Variants in FABP12 observed in about 807,000 individuals in gnomAD.
FABP12 encodes the protein fatty acid-binding protein 12.
FABP12 carries 19 observed loss-of-function variants against 13.7 expected under a neutral mutation model. The ratio of observed to expected loss-of-function variants is 1.39; its 90% CI spans 0.97 to 2.04. FABP12 has a LOEUF of 2.04. FABP12 is among the 30% of genes most tolerant of loss of function. The pLI is 0.00. For synonymous variants in FABP12, 61 were observed against 57.0 expected (o/e 1.07, Z -0.32); for missense variants, 182 against 164.2 (o/e 1.11, Z -0.59).
upstream of FABP12, among the ~76,000 whole-genome samples, chr8:81,535,551 T>C (rs1347111294): frequency 3.9e-5 from 6 of 152,216 alleles, no homozygotes; most frequent in African/African-American, 7.2e-5. Flanking sequence ...TACTGAGACC[T>C]AGACTTTGGC....
intron 1 of FABP12, among the ~76,000 whole-genome samples, chr8:81,552,761 A>T (rs1809541483): frequency 6.6e-6 from 1 of 152,166 alleles, no homozygotes; most frequent in South Asian, 2.1e-4. Flanking sequence ...GAAGATGATG[A>T]ATATTTGAAG....
In FABP12 at chr8:81,552,419, G is replaced by C. The variant is rs537417550; in HGVS notation, c.-184-12676C>G. On this transcript the variant is annotated intron_variant, in intron 1 of 5. Coordinates refer to the FABP12 transcript ENST00000692030. ...TTAAAAGAGATTAAATGGTACCCTA[G>C]GGTGTTGGCAGCTGTTGAAGAGATT... Among the ~76,000 whole-genome samples the C allele has an allele frequency of 4.6e-5, 7 of 152,216 alleles. No individual in the cohort carries two copies. The East Asian group carries it at 9.7e-4, about 21-fold the overall frequency.
At chr8:81,537,257 A>C (rs1424357334), upstream of FABP12, among the ~76,000 whole-genome samples, 1 of 152,214 alleles carries the variant, frequency 6.6e-6, no homozygotes, top group Non-Finnish European at 1.5e-5. Context: ...AGAATCAAAA[A>C]TTAATTGTGT....
At chr8:81,568,388 C>G (rs1464048688) in intron 1 of FABP12, among the ~76,000 whole-genome samples, 3 of 152,192 alleles carry the variant, frequency 2.0e-5, no homozygotes, top group Non-Finnish European at 4.4e-5. Context: ...TGCTCAACAT[C>G]ATCGATCATC....
rs376970873 is a variant in FABP12 at position 81,567,625 on chromosome 8, C to T, written c.-185+22428G>A. On this transcript the variant is annotated intron_variant, in intron 1 of 5. Transcript: ENST00000692030. ...CCATATGCAGAAGAATGAAACTAGA[C>T]CCCTTTCTCTTGCCATATACAAAAT... 7.9e-5 allele frequency among the ~76,000 whole-genome samples: 12 copies of T among 152,286 alleles called. No individual in the cohort carries two copies. The East Asian group carries it at 1.4e-3, about 17-fold the overall frequency.
At chr8:81,531,813 G>C (rs1399251274) in intron 1 of FABP12, among the ~76,000 whole-genome samples, 1 of 152,114 alleles carries the variant, frequency 6.6e-6, no homozygotes, top group Non-Finnish European at 1.5e-5. Context: ...CTTCATAGAT[G>C]GTACTTGACA....
At chr8:81,558,799 A>G (rs1809666465) in intron 1 of FABP12, among the ~76,000 whole-genome samples, 2 of 149,134 alleles carry the variant, frequency 1.3e-5, no homozygotes, top group East Asian at 4.1e-4. Context: ...CTGAGGCAGG[A>G]GAATCGCTTG....
At chr8:81,575,647 G>A (rs1810030800) in intron 1 of FABP12, among the ~76,000 whole-genome samples, 1 of 152,202 alleles carries the variant, frequency 6.6e-6, no homozygotes, top group South Asian at 2.1e-4. Context: ...AGTGTTAGCT[G>A]TATATATGTT....
intron 2 of FABP12, among the ~76,000 whole-genome samples, chr8:81,539,083 A>G (rs1192956559): frequency 6.6e-6 from 1 of 152,114 alleles, no homozygotes; most frequent in Non-Finnish European, 1.5e-5. Flanking sequence ...TTCTGACCTC[A>G]AGTTATCTGC....
At chr8:81,566,415 T>C (rs1175999056) in intron 1 of FABP12, among the ~76,000 whole-genome samples, 1 of 152,086 alleles carries the variant, frequency 6.6e-6, no homozygotes, top group Non-Finnish European at 1.5e-5. Flanking sequence ...GCAAAAGTTC[T>C]CAACAAAATA....
intron 1 of FABP12, among the ~76,000 whole-genome samples, chr8:81,554,943 A>G (rs1253012398): frequency 6.6e-6 from 1 of 152,146 alleles, no homozygotes; most frequent in South Asian, 2.1e-4. Flanking sequence ...TCTAAGATAA[A>G]GTGGTTCTGA....
intron 1 of FABP12, among the ~76,000 whole-genome samples, chr8:81,556,240 T>C (rs1221862754): frequency 6.6e-6 from 1 of 152,232 alleles, no homozygotes; most frequent in Non-Finnish European, 1.5e-5. Flanking sequence ...CTGTTTAACA[T>C]TTCTGTAAGT....
chr8:81,546,889 C>T (rs1000209553), intron 1 of FABP12, among the ~76,000 whole-genome samples: 2 of 152,172 alleles, frequency 1.3e-5, no homozygotes, highest in African/African-American at 4.8e-5. Flanking sequence ...CCTCAAGTCA[C>T]AGAACACCCA....
intron 1 of FABP12, among the ~76,000 whole-genome samples, chr8:81,580,578 G>A (rs1810140966): frequency 6.6e-6 from 1 of 151,852 alleles, no homozygotes; most frequent in Non-Finnish European, 1.5e-5. Flanking sequence ...AATAAAGGAA[G>A]AACTAGCATC....
At chr8:81,561,409 G>A (rs1213133305) in intron 1 of FABP12, among the ~76,000 whole-genome samples, 2 of 152,102 alleles carry the variant, frequency 1.3e-5, no homozygotes, top group Non-Finnish European at 2.9e-5. Context: ...TTGGTGATAT[G>A]GAAGGTAGAC....
At chr8:81,557,641 C>G (rs920609810) in intron 1 of FABP12, among the ~76,000 whole-genome samples, 1 of 152,152 alleles carries the variant, frequency 6.6e-6, no homozygotes, top group African/African-American at 2.4e-5. Context: ...CAATTAAAAT[C>G]TTTAAGTGTT....
chr8:81,529,001 C>T (rs1292644878), intron 3 of FABP12, among the ~76,000 whole-genome samples: 2 of 152,094 alleles, frequency 1.3e-5, no homozygotes, highest in Non-Finnish European at 2.9e-5. Context: ...AGAAATAAAT[C>T]CCCATTGTGT....
chr8:81,531,943 G>GCGCA (rs113254767), intron 1 of FABP12, among the ~76,000 whole-genome samples: 2 of 147,760 alleles, frequency 1.4e-5, no homozygotes, highest in African/African-American at 4.9e-5. Context: ...ACAAACACAT[G>GCGCA]CACACACACA....
upstream of FABP12, among the ~76,000 whole-genome samples, chr8:81,536,796 A>C (rs1809232586): frequency 6.6e-6 from 1 of 152,244 alleles, no homozygotes; most frequent in South Asian, 2.1e-4. Context: ...TCCAGCTGCC[A>C]CGTGTAGATA....
Sources: gnomAD v4.1 joint callset for allele counts (sites outside exome capture counted in the v4.1 genomes callset) on GRCh38, gnomAD v4.1.1 for gene constraint, MANE v1.5 for transcripts, NCBI Gene and HGNC (gene_info 2026-07-23, HGNC 2026-07-21) for gene names.